Variants in PHLDB1 observed in about 807,000 individuals in gnomAD.
PHLDB1 encodes the protein pleckstrin homology-like domain family B member 1.
PHLDB1 carries 65 observed loss-of-function variants against 139.3 expected under a neutral mutation model. That is an observed-to-expected ratio of 0.47 (90% CI 0.38 to 0.57). The LOEUF (loss-of-function observed/expected upper bound fraction) is 0.57, where lower values mean the gene tolerates loss of function less well. PHLDB1 is among the 20% of genes least tolerant of loss of function. PHLDB1 has a pLI of 0.00. For synonymous variants in PHLDB1, 679 were observed against 734.5 expected (o/e 0.92, Z 1.22); for missense variants, 1,624 against 1,839.7 (o/e 0.88, Z 2.14).
At chr11:118,656,414 G>T (rs1015270620) in intron 22 of PHLDB1, among the ~76,000 whole-genome samples, 2 of 152,142 alleles carry the variant, frequency 1.3e-5, no homozygotes, top group Non-Finnish European at 1.5e-5. Flanking sequence ...TTGAACCTGG[G>T]GCGCCAAGGA....
At chr11:118,636,305 A>C (rs1945637807) in intron 10 of PHLDB1, among the ~76,000 whole-genome samples, 1 of 151,986 alleles carries the variant, frequency 6.6e-6, no homozygotes, top group African/African-American at 2.4e-5. Context: ...GTGTGGGGGA[A>C]GTGAGGGTGG....
upstream of PHLDB1, among the ~76,000 whole-genome samples, chr11:118,607,184 G>A (rs1485580079): frequency 6.6e-6 from 1 of 151,534 alleles, no homozygotes; most frequent in Non-Finnish European, 1.5e-5. Flanking sequence ...GGAGGTTTCA[G>A]GCATCTAAGG....
chr11:118,614,425 T>C (rs1373300406), intron 2 of PHLDB1, 134 bp from the exon 3 acceptor site: 7 of 851,778 alleles, frequency 8.2e-6, no homozygotes, highest in Non-Finnish European at 1.3e-5. Context: ...GTGTAAGATT[T>C]TGTGCTAAGC....
In PHLDB1 at chr11:118,631,195, C is replaced by A; in HGVS notation, c.1828-12C>A. On this transcript the variant is annotated splice_polypyrimidine_tract_variant and intron_variant, in intron 6 of 22. Transcript: ENST00000600882. The stretch of plus-strand genomic sequence containing the variant: ...CCTCCCCTTCATGTCCTGCTCTGTC[C>A]ATCCTCCCCAGGAACGCCAGCGCCT... 7.0e-7 allele frequency: 1 copy of A among 1,420,360 alleles called. No homozygotes were observed. Among genetic ancestry groups the A allele is most frequent in the Non-Finnish European group, 9.2e-7 (1 of 1,082,656 alleles). The allele number at this position is 1,420,360 out of a possible 1,614,324, so 88.0% of individuals were successfully genotyped here.
At chr11:118,617,250 G>T (rs1459547204) in intron 4 of PHLDB1, among the ~76,000 whole-genome samples, 1 of 152,056 alleles carries the variant, frequency 6.6e-6, no homozygotes, top group Non-Finnish European at 1.5e-5. Context: ...GGTTAGAGGT[G>T]AAGTTAAAGG....
chr11:118,639,455 T>G, intron 12 of PHLDB1: 2 of 563,124 alleles, frequency 3.6e-6, no homozygotes, highest in Non-Finnish European at 6.4e-6. Flanking sequence ...CCTCTGGGGT[T>G]CCCAGGAGCC....
In PHLDB1 at chr11:118,620,533, C is replaced by T. The variant is rs1249123628; in HGVS notation, c.355+4322C>T. Among the ~76,000 whole-genome samples the T allele has an allele frequency of 1.3e-5, 2 of 152,212 alleles. No homozygotes were observed. Among genetic ancestry groups the T allele is most frequent in the Admixed American group, 1.3e-4 (2 of 15,280 alleles). On this transcript the variant is annotated intron_variant, in intron 4 of 22. Transcript: ENST00000600882. The surrounding 1 kb of genome is among the most constrained non-coding windows in gnomAD (Gnocchi z 4.1). ...AACAAAACAAAACACCTGCCTGACT[C>T]AGAATCTCAGCCTGACTTTGCGGGC...
chr11:118,644,925 AG>A, intron 15 of PHLDB1: 1 of 268,670 alleles, frequency 3.7e-6, no homozygotes, highest in Non-Finnish European at 7.3e-6. Context: ...TCTGCATTGC[AG>A]GGGGGTCTGC....
chr11:118,629,866 A>T, intron 6 of PHLDB1: 1 of 425,358 alleles, frequency 2.4e-6, no homozygotes, highest in Non-Finnish European at 4.1e-6. Flanking sequence ...TCCCACACAT[A>T]AGCACACATC....
At chr11:118,626,447 G>A (rs1283929377) in intron 5 of PHLDB1, among the ~76,000 whole-genome samples, 1 of 151,932 alleles carries the variant, frequency 6.6e-6, no homozygotes, top group East Asian at 1.9e-4. Context: ...GCAGTGGCGC[G>A]ATCTCGGCTC....
Position 118,639,012 on chromosome 11 carries a change from T to C in PHLDB1, c.2646+11T>C. On this transcript the variant is annotated intron_variant, in intron 11 of 22. Transcript: ENST00000600882. ...CAGCTGCTGCAAAAGGTAGGGTCCC[T>C]GAGGTTGGGCCGGGAGATTTGGAGT... 6.2e-7 allele frequency: 1 copy of C among 1,608,192 alleles called. No homozygotes were observed. Among genetic ancestry groups the C allele is most frequent in the Non-Finnish European group, 8.5e-7 (1 of 1,175,150 alleles).
At chr11:118,642,530 G>C in intron 13 of PHLDB1, 136 bp downstream of exon 13, 1 of 1,008,740 alleles carries the variant, frequency 9.9e-7, no homozygotes, top group Non-Finnish European at 1.4e-6. Flanking sequence ...GGCACCTCTG[G>C]GCCCTGAGAG....
Position 118,620,845 on chromosome 11 carries a change from T to G in PHLDB1, c.356-4089T>G, listed in dbSNP as rs782665121. Reference sequence around the variant, plus strand: ...CCTGAACTCCCAGCCCAGGGTGACCTTGTTACAGTGGCAGCCTGAGGGCCA... The same window carrying G: ...CCTGAACTCCCAGCCCAGGGTGACCGTGTTACAGTGGCAGCCTGAGGGCCA... On this transcript the variant is annotated intron_variant, in intron 4 of 22. Transcript: ENST00000600882. The surrounding 1 kb of genome is among the most constrained non-coding windows in gnomAD (Gnocchi z 4.1). Among the ~76,000 whole-genome samples the G allele has an allele frequency of 6.6e-5, 10 of 152,142 alleles. No homozygotes were observed. Among genetic ancestry groups the G allele is most frequent in the Non-Finnish European group, 1.2e-4 (8 of 68,024 alleles).
chr11:118,656,348 G>T (rs1555141879), intron 22 of PHLDB1, among the ~76,000 whole-genome samples: 1 of 152,144 alleles, frequency 6.6e-6, no homozygotes, highest in Non-Finnish European at 1.5e-5. Context: ...TTGCTGAGAG[G>T]AAACTCTGGT....
At chr11:118,623,422 G>A (rs1555097030) in intron 4 of PHLDB1, among the ~76,000 whole-genome samples, 1 of 152,212 alleles carries the variant, frequency 6.6e-6, no homozygotes, top group African/African-American at 2.4e-5. Context: ...CACTCCAGGT[G>A]CCCCTGGCTA....
At chr11:118,633,060 A>G (rs1307936265) in intron 9 of PHLDB1, 1 of 153,080 alleles carries the variant, frequency 6.5e-6, no homozygotes, top group Non-Finnish European at 1.4e-5. Flanking sequence ...TGCCAAATTA[A>G]CTCCACGCTT....
chr11:118,631,999 G>A lies in PHLDB1; in HGVS notation c.2187G>A (p.Gln729=), dbSNP rs782136043. The part of the protein sequence containing the change: ...ERAQVLGHVE[Q]LKVRVKELEQ... The stretch of plus-strand genomic sequence containing the variant: ...CTCAGGTGCTGGGGCACGTGGAGCA[G>A]CTCAAGGTCCGTGTGAAGGAGCTAG... The change falls in exon 8 of 23, where the codon CAG becomes CAA. Residue 729 remains glutamine (Q), a synonymous_variant. Coordinates refer to ENST00000600882, the MANE Select transcript of PHLDB1 (RefSeq NM_001144758.3). The A allele has an allele frequency of 5.6e-6, 9 of 1,614,050 alleles. No homozygotes were observed. In the African/African-American group the frequency reaches 1.2e-4, roughly 22 times the overall value.
At position 118,613,206 on chromosome 11, in the gene PHLDB1, G is replaced by T. The variant is rs1045853833; in HGVS notation, c.-21-610G>T. On this transcript the variant is annotated intron_variant, in intron 1 of 22. Coordinates refer to ENST00000600882, the MANE Select transcript of PHLDB1 (RefSeq NM_001144758.3). ...TTTTAGCTGATTGTGTTGGGTTGAG[G>T]TTGCTTTCTGGGGAAGAAAAGGTGT... 50 of 820,174 alleles carry T rather than the reference G, an allele frequency of 6.1e-5. 1 individual carries two copies. In the Middle Eastern group the frequency reaches 4.4e-3, roughly 71 times the overall value. 50.8% of individuals were successfully genotyped at this position (820,174 alleles called of 1,614,324 possible).
At chr11:118,617,256 A>G (rs935072480) in intron 4 of PHLDB1, among the ~76,000 whole-genome samples, 7 of 152,046 alleles carry the variant, frequency 4.6e-5, no homozygotes, top group African/African-American at 1.7e-4. Flanking sequence ...AGGTGAAGTT[A>G]AAGGCTAACA....
Sources: gnomAD v4.1 joint callset for allele counts (sites outside exome capture counted in the v4.1 genomes callset) on GRCh38, gnomAD v4.1.1 for gene constraint, Gnocchi (gnomAD v3.1) non-coding constraint, MANE v1.5 for transcripts, NCBI Gene and HGNC (gene_info 2026-07-23, HGNC 2026-07-21) for gene names.